Variants in PMFBP1 observed in about 807,000 individuals in gnomAD.
PMFBP1 encodes polyamine modulated factor 1 binding protein 1, also known as polyamine-modulated factor 1-binding protein 1.
A neutral mutation model predicts 137.8 loss-of-function variants in PMFBP1; 131 were observed. The ratio of observed to expected loss-of-function variants is 0.95; its 90% confidence interval spans 0.82 to 1.10. PMFBP1 has a LOEUF of 1.10. Among genes scored for constraint, PMFBP1 ranks in the 50% least tolerant of loss-of-function variants. PMFBP1 has a pLI of 0.00. For synonymous variants in PMFBP1, 490 were observed against 450.4 expected, an observed-to-expected ratio of 1.09 and a Z score of -1.11; for missense variants, 1,199 against 1,175.4, an observed-to-expected ratio of 1.02 and a Z score of -0.29.
rs1381288018 is a variant in PMFBP1, at chr16:72,119,293, T to C, written c.*45A>G. Reference sequence around the variant, plus strand: ...GGAGGGCTGGGAACTCACTGTCCTCTGAAGAAACACCCGTGGAAATGCTGC... The same window carrying C: ...GGAGGGCTGGGAACTCACTGTCCTCCGAAGAAACACCCGTGGAAATGCTGC... On this transcript the variant is annotated 3_prime_UTR_variant, in exon 21 of 21. Coordinates refer to ENST00000237353, the MANE Select transcript of PMFBP1 (RefSeq NM_031293.3). 3.1e-6 allele frequency: 5 copies of C among 1,598,218 alleles called. No homozygotes were observed. In the Admixed American group the frequency reaches 6.7e-5, roughly 21 times the overall value.
chr16:72,174,673 T>A (rs2043250823), upstream of PMFBP1, among the ~76,000 whole-genome samples: 1 of 152,234 alleles, frequency 6.6e-6, no homozygotes, highest in Non-Finnish European at 1.5e-5. Flanking sequence ...CTTACAATCT[T>A]GGCAGACAGC....
At chr16:72,244,488 T>G in the PMFBP1 span, among the ~76,000 whole-genome samples, 1 of 152,174 alleles carries the variant, frequency 6.6e-6, no homozygotes, top group Non-Finnish European at 1.5e-5. Context: ...TTCTCCCCTC[T>G]CCCTGCTTTC....
At chr16:72,189,114 C>A in the PMFBP1 span, among the ~76,000 whole-genome samples, 1 of 151,964 alleles carries the variant, frequency 6.6e-6, no homozygotes, top group Non-Finnish European at 1.5e-5. Context: ...AGGCACCGTG[C>A]TATGGACTTT....
upstream of PMFBP1, among the ~76,000 whole-genome samples, chr16:72,176,614 TG>T (rs1332802926): frequency 1.3e-5 from 2 of 152,236 alleles, no homozygotes; most frequent in East Asian, 3.9e-4. Context: ...TAATGCCTGG[TG>T]TTCCACCAGC....
At chr16:72,189,993 T>C in the PMFBP1 span, among the ~76,000 whole-genome samples, 1 of 152,020 alleles carries the variant, frequency 6.6e-6, no homozygotes, top group Non-Finnish European at 1.5e-5. Flanking sequence ...AGGCAGTCAG[T>C]CAGTTGTTAG....
chr16:72,141,331 T>C (rs764351508), intron 5 of PMFBP1, among the ~76,000 whole-genome samples: 5 of 152,234 alleles, frequency 3.3e-5, no homozygotes, highest in Admixed American at 6.5e-5. Flanking sequence ...TGATCTATCT[T>C]ACTCCTCTTT....
chr16:72,196,419 C>T, the PMFBP1 span, among the ~76,000 whole-genome samples: 48 of 152,196 alleles, frequency 3.2e-4, no homozygotes, highest in African/African-American at 1.1e-3. Flanking sequence ...CCATCTTTGA[C>T]GCTGCCTCCC....
chr16:72,209,457 T>A, the PMFBP1 span, among the ~76,000 whole-genome samples: 1 of 151,984 alleles, frequency 6.6e-6, no homozygotes. Context: ...ATTTTGTATA[T>A]AGATATCTGT....
At chr16:72,210,993 G>C in the PMFBP1 span, among the ~76,000 whole-genome samples, 1 of 152,192 alleles carries the variant, frequency 6.6e-6, no homozygotes, top group Admixed American at 6.5e-5. Context: ...TGCTAGGTAA[G>C]TTCTTTAACA....
the PMFBP1 span, among the ~76,000 whole-genome samples, chr16:72,187,038 G>A: frequency 1.3e-5 from 2 of 151,634 alleles, no homozygotes; most frequent in Non-Finnish European, 2.9e-5. Context: ...GCTTGAATCC[G>A]GGAGGTGGAG....
At chr16:72,143,191 T>C (rs2144364867) in intron 5 of PMFBP1, among the ~76,000 whole-genome samples, 1 of 152,302 alleles carries the variant, frequency 6.6e-6, no homozygotes, top group African/African-American at 2.4e-5. Context: ...GAAAGGATAT[T>C]GAAAATAAGC....
chr16:72,181,991 C>T, the PMFBP1 span, among the ~76,000 whole-genome samples: 1 of 152,176 alleles, frequency 6.6e-6, no homozygotes, highest in Non-Finnish European at 1.5e-5. Flanking sequence ...AAATAAATCA[C>T]CTAATGTTTT....
At chr16:72,179,649 T>C (rs945754804), upstream of PMFBP1, among the ~76,000 whole-genome samples, 3 of 152,160 alleles carry the variant, frequency 2.0e-5, no homozygotes, top group Non-Finnish European at 4.4e-5. Flanking sequence ...ACAAAAGAGA[T>C]GTTTTGGATC....
intron 3 of PMFBP1, among the ~76,000 whole-genome samples, chr16:72,155,645 G>A (rs1190519468): frequency 6.6e-6 from 1 of 152,178 alleles, no homozygotes; most frequent in Non-Finnish European, 1.5e-5. Context: ...CATTAACAGA[G>A]TACTTCTAAT....
intron 3 of PMFBP1, among the ~76,000 whole-genome samples, chr16:72,160,195 C>T (rs910223341): frequency 2.0e-5 from 3 of 152,234 alleles, no homozygotes; most frequent in Admixed American, 6.5e-5. Context: ...TGAAAAGTCA[C>T]GTTGGTTTCC....
Position 72,141,607 on chromosome 16 carries a change from C to A in PMFBP1, c.637-1025G>T, listed in dbSNP as rs539771637. 5.9e-5 allele frequency among the ~76,000 whole-genome samples: 9 copies of A among 152,166 alleles called. No homozygotes were observed. The South Asian group carries it at 1.9e-3, about 32-fold the overall frequency. On this transcript the variant is annotated intron_variant, in intron 5 of 20. Coordinates refer to ENST00000237353, the MANE Select transcript of PMFBP1 (RefSeq NM_031293.3). Reference sequence around the variant, plus strand: ...TCAGCAAGATGAGTTAGAGATTTATCAATGCTAGTACATGTGCTTCTATCT... The same window carrying A: ...TCAGCAAGATGAGTTAGAGATTTATAAATGCTAGTACATGTGCTTCTATCT...
chr16:72,188,046 G>C, the PMFBP1 span, among the ~76,000 whole-genome samples: 1 of 152,184 alleles, frequency 6.6e-6, no homozygotes, highest in African/African-American at 2.4e-5. Context: ...TTTCATCATA[G>C]GATAGAACCC....
the PMFBP1 span, among the ~76,000 whole-genome samples, chr16:72,196,077 A>C: frequency 6.7e-6 from 1 of 150,306 alleles, no homozygotes; most frequent in South Asian, 2.1e-4. Context: ...GCTTTCAAAA[A>C]CTCTTGAACT....
chr16:72,148,022 T>G (rs1419521942), intron 5 of PMFBP1, among the ~76,000 whole-genome samples: 1 of 152,124 alleles, frequency 6.6e-6, no homozygotes, highest in Non-Finnish European at 1.5e-5. Context: ...CATTACTGGG[T>G]ATATACCCAA....
Sources: allele counts gnomAD v4.1 joint callset (sites outside exome capture counted in the v4.1 genomes callset), GRCh38; gene constraint gnomAD v4.1.1; transcripts MANE v1.5; gene names NCBI Gene and HGNC (gene_info 2026-07-23, HGNC 2026-07-21).